The following SLC9C2 variants were observed in gnomAD, a reference collection of about 807,000 sequenced individuals.
SLC9C2 encodes solute carrier family 9 member C2 (putative), also known as sodium/hydrogen exchanger 11.
SLC9C2 carries 75 observed loss-of-function variants against 140.2 expected under a neutral mutation model. The observed-to-expected ratio is 0.53, with a 90% confidence interval of 0.44 to 0.65. The LOEUF is 0.65. Among genes scored for constraint, SLC9C2 ranks in the 30% least tolerant of loss-of-function variants. The pLI, the probability that SLC9C2 is intolerant of heterozygous loss-of-function variation, is 0.00. For missense variants in SLC9C2, 1,074 were observed against 1,331.8 expected (o/e 0.81, Z 3.01); for synonymous variants, 375 against 420.9 (o/e 0.89, Z 1.34).
chr1:173,558,192 G>C (rs964308297), intron 9 of SLC9C2, among the ~76,000 whole-genome samples: 2 of 152,164 alleles, frequency 1.3e-5, no homozygotes, highest in Non-Finnish European at 2.9e-5. Context: ...TTGTGTGTCA[G>C]TTGATCAACT....
At chr1:173,601,892 G>T in intron 1 of SLC9C2, 37 bp from the exon 2 acceptor site, 2 of 1,275,366 alleles carry the variant, frequency 1.6e-6, no homozygotes, top group Non-Finnish European at 1.1e-6. Context: ...GACCTACCAA[G>T]ATCCAATTCA....
intron 2 of SLC9C2, among the ~76,000 whole-genome samples, chr1:173,601,224 G>A (rs1313062220): frequency 6.6e-6 from 1 of 152,180 alleles, no homozygotes; most frequent in Non-Finnish European, 1.5e-5. Flanking sequence ...CTCTATTTGT[G>A]TGTTTGCTCG....
chr1:173,585,732 C>G lies in SLC9C2; in HGVS notation c.523+1933G>C, dbSNP rs186615387. On this transcript the variant is annotated intron_variant, in intron 5 of 27. Transcript: ENST00000367714. ...CTGTAATCCCAGCACTTTGGGAGGC[C>G]AAGGTGGGTGGATCATCTGAGGTCA... Among the ~76,000 whole-genome samples the G allele has an allele frequency of 4.3e-3, 653 of 152,162 alleles. 8 individuals are homozygous for G. The highest frequency in any genetic ancestry group is 0.015 in the African/African-American group (619 of 41,532).
chr1:173,573,239 T>C lies in SLC9C2; in HGVS notation c.989A>G (p.Tyr330Cys), dbSNP rs1474483569. 12 of 1,585,580 alleles carry C rather than the reference T, an allele frequency of 7.6e-6. No homozygotes were observed. The highest frequency in any genetic ancestry group is 1.3e-5 in the African/African-American group (1 of 74,412). The change falls in exon 9 of 28, where the codon TAT becomes TGT. Residue 330 changes from tyrosine to cysteine, a missense_variant. By Grantham distance (194) the Tyr-to-Cys change is radical. Coordinates refer to ENST00000367714, the MANE Select transcript of SLC9C2 (RefSeq NM_178527.4). ...TATGAAAGGTATAGTGTGAAATTCATAGTGGCTGAGTTCTCCACATCCAAT... is the reference window on the plus strand; with the variant it reads ...TATGAAAGGTATAGTGTGAAATTCACAGTGGCTGAGTTCTCCACATCCAAT... The part of the protein sequence containing the change: ...IVIGCGELSH[Y>C]EFHTIPFIFI...
At chr1:173,591,330 T>C (rs1016318137) in intron 4 of SLC9C2, among the ~76,000 whole-genome samples, 2 of 152,216 alleles carry the variant, frequency 1.3e-5, no homozygotes, top group Non-Finnish European at 2.9e-5. Flanking sequence ...AGTGCTGCAA[T>C]GAATATTCAT....
At chr1:173,573,020 AC>A (rs1276988073) in intron 9 of SLC9C2, among the ~76,000 whole-genome samples, 161 bp downstream of exon 9, 1 of 152,016 alleles carries the variant, frequency 6.6e-6, no homozygotes, top group Non-Finnish European at 1.5e-5. Flanking sequence ...ATAAACACTT[AC>A]CCCAAGTTGC....
chr1:173,502,195 T>C (rs1158080730), intron 27 of SLC9C2, among the ~76,000 whole-genome samples: 2 of 134,762 alleles, frequency 1.5e-5, no homozygotes, highest in African/African-American at 5.9e-5. Flanking sequence ...ATCGCTTGAA[T>C]CCAGGAAGCA....
chr1:173,599,665 G>A (rs1156956730), intron 3 of SLC9C2, among the ~76,000 whole-genome samples: 1 of 151,730 alleles, frequency 6.6e-6, no homozygotes, highest in Non-Finnish European at 1.5e-5. Flanking sequence ...GTGTGGCGGT[G>A]TGATGTCGGC....
At chr1:173,524,298 A>G (rs933516792) in intron 20 of SLC9C2, among the ~76,000 whole-genome samples, 2 of 152,164 alleles carry the variant, frequency 1.3e-5, no homozygotes, top group African/African-American at 4.8e-5. Flanking sequence ...TGACTTATTA[A>G]CTCAGATTGA....
intron 3 of SLC9C2, among the ~76,000 whole-genome samples, chr1:173,598,468 TTAAG>T (rs1006874688): frequency 2.0e-5 from 3 of 152,234 alleles, no homozygotes; most frequent in Non-Finnish European, 4.4e-5. Context: ...TTTTAAATCT[TTAAG>T]TGAGTCAGTA....
Position 173,517,546 on chromosome 1 carries a change from A to T in SLC9C2, c.2898T>A (p.Thr966=). 1 of 1,601,642 alleles carries T rather than the reference A, an allele frequency of 6.2e-7. No individual in the cohort carries two copies. Among genetic ancestry groups the T allele is most frequent in the Non-Finnish European group, 8.5e-7 (1 of 1,176,422 alleles). ...REIEYTVICE[T]SLQACFISLE... is the part of the protein sequence containing the mutation. ...AGAACCATTTTCCTACCTGTAAACT[A>T]GTTTCACAGATGACGGTATATTCAA... Residue 966 remains threonine (T), a synonymous_variant, in exon 23 of 28, where the codon ACT becomes ACA. Coordinates refer to ENST00000367714, the MANE Select transcript of SLC9C2 (RefSeq NM_178527.4).
chr1:173,579,934 G>T (rs1005150378), intron 7 of SLC9C2, among the ~76,000 whole-genome samples: 3 of 152,198 alleles, frequency 2.0e-5, no homozygotes, highest in Non-Finnish European at 4.4e-5. Context: ...TTAAGATGAT[G>T]CCACACATTG....
rs143783421 is a variant in SLC9C2 at position 173,509,527 on chromosome 1, AT to A, written c.3039+40del. On this transcript the variant is annotated intron_variant, in intron 24 of 27. Transcript: ENST00000367714. ...ATGCATTTTGTAAAAAATACAATGCATAAAAATTCAATTTATTAATATTTTA... is the reference window on the plus strand; with the variant it reads ...ATGCATTTTGTAAAAAATACAATGCAAAAAATTCAATTTATTAATATTTTA... 169 of 1,452,166 alleles carry A rather than the reference AT, an allele frequency of 1.2e-4. 1 individual carries two copies. In the East Asian group the frequency reaches 4.4e-3, roughly 38 times the overall value. 90.0% of individuals were successfully genotyped at this position (1,452,166 alleles called of 1,614,324 possible).
In SLC9C2 at chr1:173,581,866, C is replaced by T. The variant is rs1012306419; in HGVS notation, c.783G>A (p.Val261=). 7.6e-6 allele frequency: 12 copies of T among 1,585,958 alleles called. No homozygotes were observed. The African/African-American group carries it at 1.1e-4, about 14-fold the overall frequency. Residue 261 remains valine (V), a synonymous_variant, in exon 7 of 28, where the codon GTG becomes GTA. Transcript: ENST00000367714. ...CCTTACCAATATAGAAAGTCATGTA[C>T]ACCATTGAAAAGCAGAGAATGATAT... ...LTNIILCFSM[V]YMTFYIVEFL...
chr1:173,522,520 TAGAC>T (rs1247041334), intron 21 of SLC9C2, among the ~76,000 whole-genome samples: 1 of 152,242 alleles, frequency 6.6e-6, no homozygotes, highest in Non-Finnish European at 1.5e-5. Context: ...ACAATACTTT[TAGAC>T]ACTTAAAACA....
At chr1:173,521,512 A>ATG (rs532466160) in intron 21 of SLC9C2, 113 bp from the exon 22 acceptor site, 27 of 269,970 alleles carry the variant, frequency 1.0e-4, no homozygotes, top group Admixed American at 1.6e-4. Flanking sequence ...TTTATTATAT[A>ATG]TGTGTGTGTG....
chr1:173,562,644 T>G (rs1342063820), intron 9 of SLC9C2, among the ~76,000 whole-genome samples: 2 of 152,198 alleles, frequency 1.3e-5, no homozygotes, highest in African/African-American at 2.4e-5. Flanking sequence ...CATCCAGATT[T>G]TTAAAATAAT....
chr1:173,534,540 G>A lies in SLC9C2; in HGVS notation c.1918C>T (p.Leu640=), dbSNP rs138825494. The part of the protein sequence containing the change: ...PMARGLNVSA[L]ISINYYFMFL... ...ATAAAATAGTAGTTTATTGATATCA[G>A]TGCTGATACATTTAAACCTCTTGCC... Residue 640 remains leucine, a synonymous_variant, in exon 16 of 28, where the codon CTG becomes TTG. Coordinates refer to ENST00000367714, the MANE Select transcript of SLC9C2 (RefSeq NM_178527.4). 1.3e-6 allele frequency: 2 copies of A among 1,597,844 alleles called. No homozygotes were observed. The highest frequency in any genetic ancestry group is 2.7e-5 in the African/African-American group (2 of 74,040).
Position 173,548,504 on chromosome 1 carries a change from G to A in SLC9C2, c.1346C>T (p.Thr449Ile). Residue 449 changes from threonine to isoleucine, a missense_variant, in exon 12 of 28, where the codon ACT becomes ATT. Coordinates refer to ENST00000367714, the MANE Select transcript of SLC9C2 (RefSeq NM_178527.4). ...LPRQMILQNATQHIQEIVQNT... is the reference protein window; with the variant it reads ...LPRQMILQNAIQHIQEIVQNT... ...CTGTACTATCTCCTGTATGTGCTGA[G>A]TGGCATTTTGCAAGATCATTTGTCT... The A allele has an allele frequency of 1.9e-6, 3 of 1,613,856 alleles. No individual in the cohort carries two copies. The highest frequency in any genetic ancestry group is 2.5e-6 in the Non-Finnish European group (3 of 1,179,816).
Sources: gnomAD v4.1 joint callset for allele counts (sites outside exome capture counted in the v4.1 genomes callset) on GRCh38, gnomAD v4.1.1 for gene constraint, MANE v1.5 for transcripts, NCBI Gene and HGNC (gene_info 2026-07-23, HGNC 2026-07-21) for gene names.